Variants in ART3 observed in about 807,000 individuals in gnomAD.
ART3 encodes ecto-ADP-ribosyltransferase 3.
ART3 carries 49 observed loss-of-function variants against 48.5 expected under a neutral mutation model. That is an observed-to-expected ratio of 1.01 (90% confidence interval 0.80 to 1.28). The LOEUF is 1.28. ART3 is among the 50% of genes most tolerant of loss of function. The probability of loss-of-function intolerance (pLI) is 0.00; values close to 1 mark genes in which losing one functional copy is unlikely to be tolerated. For missense variants in ART3, 438 were observed against 454.3 expected (o/e 0.96, Z 0.33); for synonymous variants, 145 against 157.2 (o/e 0.92, Z 0.58).
intron 1 of ART3, among the ~76,000 whole-genome samples, chr4:76,044,375 G>A (rs1578298265): frequency 1.3e-5 from 2 of 152,054 alleles, no homozygotes; most frequent in Non-Finnish European, 2.9e-5. Context: ...AGGCCTTGGC[G>A]TTTTTGGAGA....
At chr4:76,034,921 C>T in intron 1 of ART3, 1 of 1,346,076 alleles carries the variant, frequency 7.4e-7, no homozygotes, top group East Asian at 2.3e-5. Flanking sequence ...ACCAAGGACC[C>T]CTTAACAGAA....
chr4:76,062,559 C>CTTTTTTT (rs34383642), intron 1 of ART3, among the ~76,000 whole-genome samples: 20 of 113,048 alleles, frequency 1.8e-4, no homozygotes, highest in African/African-American at 3.5e-4. Context: ...AAAAATAAAT[C>CTTTTTTT]TTTTTTTTTT....
intron 2 of ART3, among the ~76,000 whole-genome samples, chr4:76,078,431 T>C (rs901522284): frequency 6.6e-6 from 1 of 152,220 alleles, no homozygotes; most frequent in Non-Finnish European, 1.5e-5. Context: ...GCACCCAAGC[T>C]GCACTCTGGT....
At chr4:76,043,521 T>C (rs1464129624) in intron 1 of ART3, among the ~76,000 whole-genome samples, 1 of 152,096 alleles carries the variant, frequency 6.6e-6, no homozygotes, top group Non-Finnish European at 1.5e-5. Flanking sequence ...CCGCAGCTGC[T>C]GGCCTGGGTG....
In ART3 at chr4:76,082,156, G is replaced by T. The variant is rs750400896; in HGVS notation, c.402G>T (p.Gln134His). The change falls in exon 3 of 12, where the codon CAG (glutamine) becomes CAT (histidine). Residue 134 changes from glutamine to histidine, a missense_variant. Physicochemically the swap from Gln to His is conservative, Grantham distance 24. This residue lies in a region of ART3 where 206 missense variants were observed against 205.3 expected (regional missense o/e 1.00). Transcript: ENST00000355810. ...QSREDYIYGF[Q>H]FKAFHFYLTR... ...GAGAAGATTATATCTATGGCTTCCA[G>T]TTCAAAGCTTTCCACTTTTACCTCA... The T allele has an allele frequency of 4.4e-5, 71 of 1,614,078 alleles. No homozygotes were observed. Among genetic ancestry groups the T allele is most frequent in the Non-Finnish European group, 5.8e-5 (69 of 1,180,054 alleles).
In ART3 at chr4:76,023,879, C is replaced by A. The variant is rs56213143; in HGVS notation, c.-10+12559C>A. Among the ~76,000 whole-genome samples the A allele has an allele frequency of 1.4e-3, 207 of 152,300 alleles. 3 individuals are homozygous for A. In the East Asian group the frequency reaches 0.034, roughly 25 times the overall value. On this transcript the variant is annotated intron_variant, in intron 1 of 9. Coordinates refer to the ART3 transcript ENST00000341029. Reference sequence around the variant, plus strand: ...AATATCCCCAGTAATAGAAATTTTTCATCCTTTATAGGTAAACCTAATTTT... The same window carrying A: ...AATATCCCCAGTAATAGAAATTTTTAATCCTTTATAGGTAAACCTAATTTT...
chr4:76,050,949 G>A (rs972938951), intron 1 of ART3, among the ~76,000 whole-genome samples: 3 of 152,228 alleles, frequency 2.0e-5, no homozygotes, highest in Non-Finnish European at 2.9e-5. Context: ...GGGCTGCTCC[G>A]AGTGCGGGGC....
At chr4:76,047,981 G>A (rs1016734954) in intron 1 of ART3, among the ~76,000 whole-genome samples, 6 of 151,862 alleles carry the variant, frequency 4.0e-5, no homozygotes, top group South Asian at 2.1e-4. Flanking sequence ...ACAGGTACCC[G>A]GGTTGGGCCA....
chr4:76,015,371 A>G (rs1442198811), intron 1 of ART3, among the ~76,000 whole-genome samples: 1 of 152,176 alleles, frequency 6.6e-6, no homozygotes, highest in Non-Finnish European at 1.5e-5. Flanking sequence ...CAAGTTTAGG[A>G]TGTTAATTAT....
At chr4:76,085,179 T>C (rs561425873) in intron 3 of ART3, among the ~76,000 whole-genome samples, 18 of 152,216 alleles carry the variant, frequency 1.2e-4, no homozygotes, top group Non-Finnish European at 1.9e-4. Flanking sequence ...GGGGTTGGCC[T>C]TTTTGGGTCT....
At chr4:76,054,918 A>C (rs748074650) in intron 1 of ART3, among the ~76,000 whole-genome samples, 7 of 152,234 alleles carry the variant, frequency 4.6e-5, no homozygotes, top group African/African-American at 1.4e-4. Flanking sequence ...TGAAAAGCCA[A>C]TAAAACATTT....
intron 10 of ART3, 74 bp from the exon 11 acceptor site, chr4:76,107,686 AT>A: frequency 9.1e-7 from 1 of 1,100,616 alleles, no homozygotes; most frequent in Admixed American, 2.4e-5. Context: ...AGTTTGCTTA[AT>A]TTTTAATCAG....
intron 1 of ART3, among the ~76,000 whole-genome samples, chr4:76,026,400 A>G (rs1307406872): frequency 6.6e-6 from 1 of 152,214 alleles, no homozygotes; most frequent in East Asian, 1.9e-4. Context: ...AATATTGGAT[A>G]GAAGGATGGT....
At chr4:76,029,699 AT>A (rs11322863) in intron 1 of ART3, among the ~76,000 whole-genome samples, 92,836 of 151,882 alleles carry the variant, frequency 0.61, 29,436 homozygotes, top group East Asian at 0.94. Context: ...TATTAATTCC[AT>A]GTGGGCATAT....
At chr4:76,108,651 G>T (rs1405155927) in intron 11 of ART3, among the ~76,000 whole-genome samples, 4 of 128,030 alleles carry the variant, frequency 3.1e-5, no homozygotes, top group Non-Finnish European at 6.3e-5. Context: ...GTAACATACA[G>T]TCATGCATTG....
At chr4:76,050,849 G>C (rs1736000713) in intron 1 of ART3, among the ~76,000 whole-genome samples, 1 of 152,196 alleles carries the variant, frequency 6.6e-6, no homozygotes, top group Non-Finnish European at 1.5e-5. Flanking sequence ...CAGTGCCAGT[G>C]GGCTGGCACT....
At chr4:76,071,566 T>C (rs12499668), upstream of ART3, among the ~76,000 whole-genome samples, 31,387 of 152,138 alleles carry the variant, frequency 0.21, 5,517 homozygotes, top group African/African-American at 0.48. Context: ...ATCTCCACTC[T>C]TCTATCAGAC....
intron 1 of ART3, among the ~76,000 whole-genome samples, chr4:76,046,474 G>T (rs1322769902): frequency 6.6e-6 from 1 of 151,990 alleles, no homozygotes; most frequent in Non-Finnish European, 1.5e-5. Context: ...TCCTCACTAA[G>T]CCTTGAGCTT....
chr4:76,046,553 G>A (rs970144007), intron 1 of ART3, among the ~76,000 whole-genome samples: 9 of 151,868 alleles, frequency 5.9e-5, no homozygotes, highest in African/African-American at 1.2e-4. Flanking sequence ...CCTTTGATAC[G>A]GAAAAGTGGT....
Sources: allele counts gnomAD v4.1 joint callset (sites outside exome capture counted in the v4.1 genomes callset), GRCh38; gene constraint gnomAD v4.1.1; regional missense constraint gnomAD v4.1.1; transcripts MANE v1.5; gene names NCBI Gene and HGNC (gene_info 2026-07-23, HGNC 2026-07-21).